Variants in SLC71A2 observed in about 807,000 individuals in gnomAD.
SLC71A2 encodes the protein solute carrier family 71 member 2.
At chr9:94,414,833 A>G in the SLC71A2 span, among the ~76,000 whole-genome samples, 1 of 151,764 alleles carries the variant, frequency 6.6e-6, no homozygotes, top group Non-Finnish European at 1.5e-5. Flanking sequence ...TAATTTTTAT[A>G]TTTTTTAGTA....
At chr9:94,407,324 A>G in the SLC71A2 span, among the ~76,000 whole-genome samples, 1 of 151,914 alleles carries the variant, frequency 6.6e-6, no homozygotes, top group African/African-American at 2.4e-5. Context: ...TGGTTTGCTA[A>G]TATTTTGTTG....
the SLC71A2 span, among the ~76,000 whole-genome samples, chr9:94,389,899 T>C: frequency 1.3e-5 from 2 of 149,322 alleles, no homozygotes; most frequent in Non-Finnish European, 3.0e-5. Context: ...TTAGCCACCA[T>C]GTCTGACCCC....
chr9:94,451,420 C>G, the SLC71A2 span: 12 of 1,014,774 alleles, frequency 1.2e-5, no homozygotes, highest in African/African-American at 3.4e-5. Flanking sequence ...TTTATAATAT[C>G]TATATTACTA....
chr9:94,459,744 G>A, the SLC71A2 span: 16 of 237,928 alleles, frequency 6.7e-5, no homozygotes, highest in East Asian at 1.4e-3. Flanking sequence ...TATAGAGTAA[G>A]AGTGGCAGCA....
the SLC71A2 span, among the ~76,000 whole-genome samples, chr9:94,396,806 T>C: frequency 6.6e-6 from 1 of 152,214 alleles, no homozygotes; most frequent in Non-Finnish European, 1.5e-5. Flanking sequence ...GTTTCGCTCT[T>C]CTTGCCCAGG....
chr9:94,419,672 TCAGA>T, the SLC71A2 span, among the ~76,000 whole-genome samples: 2 of 152,108 alleles, frequency 1.3e-5, no homozygotes, highest in Non-Finnish European at 2.9e-5. Flanking sequence ...CCTCCTCGCC[TCAGA>T]CAGTCTTCTC....
At chr9:94,425,193 A>G in the SLC71A2 span, among the ~76,000 whole-genome samples, 1 of 151,850 alleles carries the variant, frequency 6.6e-6, no homozygotes, top group African/African-American at 2.4e-5. Context: ...AATCCCAGCT[A>G]CTCGGGAGGT....
the SLC71A2 span, chr9:94,458,279 C>CTGG: frequency 6.4e-7 from 1 of 1,574,606 alleles, no homozygotes; most frequent in African/African-American, 1.4e-5. Context: ...TCTTGAGATG[C>CTGG]CTTTCTGAGA....
chr9:94,408,445 T>C, the SLC71A2 span, among the ~76,000 whole-genome samples: 2 of 152,216 alleles, frequency 1.3e-5, no homozygotes, highest in African/African-American at 4.8e-5. Flanking sequence ...TAGAAAGTGC[T>C]CTCTCCTCTT....
chr9:94,441,994 C>G, the SLC71A2 span, among the ~76,000 whole-genome samples: 19 of 152,148 alleles, frequency 1.2e-4, no homozygotes, highest in African/African-American at 4.3e-4. Flanking sequence ...TGTGGATGTG[C>G]ATGTGTGGGC....
the SLC71A2 span, among the ~76,000 whole-genome samples, chr9:94,380,205 C>T: frequency 8.2e-4 from 124 of 151,918 alleles, no homozygotes; most frequent in Non-Finnish European, 1.0e-3. Context: ...AGGTGGACCA[C>T]GCTTGCAGTG....
the SLC71A2 span, among the ~76,000 whole-genome samples, chr9:94,410,787 A>G: frequency 2.0e-5 from 3 of 152,320 alleles, no homozygotes; most frequent in Admixed American, 6.5e-5. Flanking sequence ...ATTATTTGAG[A>G]TGGAGTCTCA....
At chr9:94,448,400 T>C in the SLC71A2 span, among the ~76,000 whole-genome samples, 29 of 152,222 alleles carry the variant, frequency 1.9e-4, no homozygotes, top group Non-Finnish European at 4.0e-4. Flanking sequence ...TTCAGCTCTC[T>C]GGGATTGCTC....
the SLC71A2 span, chr9:94,459,112 A>G: frequency 6.4e-7 from 1 of 1,574,110 alleles, no homozygotes; most frequent in Non-Finnish European, 8.7e-7. Context: ...ATTTTGAGTT[A>G]AAAGACTAAC....
the SLC71A2 span, among the ~76,000 whole-genome samples, chr9:94,449,837 G>A: frequency 1.3e-5 from 2 of 152,178 alleles, no homozygotes; most frequent in Admixed American, 6.5e-5. Flanking sequence ...GCTAATGAAT[G>A]GATTAACAAA....
the SLC71A2 span, among the ~76,000 whole-genome samples, chr9:94,440,655 C>T: frequency 6.6e-6 from 1 of 151,968 alleles, no homozygotes; most frequent in South Asian, 2.1e-4. Context: ...CTTTTCCTTA[C>T]TTACAGCTAG....
the SLC71A2 span, among the ~76,000 whole-genome samples, chr9:94,406,712 CT>C: frequency 6.6e-6 from 1 of 152,218 alleles, no homozygotes; most frequent in East Asian, 1.9e-4. Flanking sequence ...CATTGTTAAT[CT>C]TTAGTGTATA....
the SLC71A2 span, among the ~76,000 whole-genome samples, chr9:94,441,635 A>C: frequency 6.6e-6 from 1 of 152,332 alleles, no homozygotes; most frequent in African/African-American, 2.4e-5. Flanking sequence ...CAAGTTGCAC[A>C]AGCTCTTTGT....
chr9:94,401,114 G>A, the SLC71A2 span, among the ~76,000 whole-genome samples: 1 of 149,640 alleles, frequency 6.7e-6, no homozygotes, highest in African/African-American at 2.5e-5. Flanking sequence ...ACGGAGTTTC[G>A]CTCTTTCATG....
Sources: gnomAD v4.1 joint callset for allele counts (sites outside exome capture counted in the v4.1 genomes callset) on GRCh38, gnomAD v4.1.1 for gene constraint, MANE v1.5 for transcripts, NCBI Gene and HGNC (gene_info 2026-07-23, HGNC 2026-07-21) for gene names.